The following NUP93 variants were observed in gnomAD, a reference collection of about 807,000 sequenced individuals.
NUP93 encodes the protein nucleoporin 93.
In NUP93, 55 loss-of-function variants were observed where a neutral mutation model predicts 107.8. The observed-to-expected ratio is 0.51, with a 90% CI of 0.41 to 0.64. The LOEUF (loss-of-function observed/expected upper bound fraction) is 0.64. NUP93 is among the 30% of genes least tolerant of loss of function. The pLI, the probability that NUP93 is intolerant of heterozygous loss-of-function variation, is 0.00. For missense variants in NUP93, 937 were observed against 1,044.7 expected (o/e 0.90, Z 1.42); for synonymous variants, 390 against 397.5 (o/e 0.98, Z 0.22).
chr16:56,753,553 C>T (rs984925982), intron 2 of NUP93, among the ~76,000 whole-genome samples: 3 of 152,188 alleles, frequency 2.0e-5, no homozygotes, highest in Non-Finnish European at 2.9e-5. Flanking sequence ...AGGCTCCATC[C>T]CAAACCTATT....
intron 3 of NUP93, among the ~76,000 whole-genome samples, chr16:56,794,073 GGT>G (rs1289142731): frequency 1.9e-3 from 107 of 55,684 alleles, no homozygotes; most frequent in South Asian, 0.011. Context: ...TAGATAGATA[GGT>G]AGGTAGGTAG....
rs1352205425 is a variant in NUP93, at chr16:56,782,049, C to T, written c.298-16427C>T. ...TTTCTTCTTTCTCTCTTTTTCTCTTCTCTCTGTCCTTCTCCCCACCCCCAT... is the reference window on the plus strand; with the variant it reads ...TTTCTTCTTTCTCTCTTTTTCTCTTTTCTCTGTCCTTCTCCCCACCCCCAT... On this transcript the variant is annotated intron_variant, in intron 3 of 21. Coordinates refer to ENST00000308159, the MANE Select transcript of NUP93 (RefSeq NM_014669.5). 6 of 985,334 alleles carry T rather than the reference C, an allele frequency of 6.1e-6. 1 individual carries two copies. The East Asian group carries it at 6.8e-4, about 112-fold the overall frequency. The allele number at this position is 985,334 out of a possible 1,614,324, so 61.0% of individuals were successfully genotyped here.
intron 10 of NUP93, 91 bp from the exon 11 acceptor site, chr16:56,831,751 T>A: frequency 3.7e-6 from 5 of 1,338,306 alleles, no homozygotes; most frequent in Non-Finnish European, 5.2e-6. Context: ...GCTTCCCTGC[T>A]TTTATGTGTT....
intron 13 of NUP93, 117 bp from the exon 14 acceptor site, chr16:56,834,011 T>C (rs1381686986): frequency 1.4e-6 from 2 of 1,439,834 alleles, no homozygotes; most frequent in Non-Finnish European, 1.9e-6. Flanking sequence ...TAGCAAACTT[T>C]GACTGGGCTG....
At chr16:56,776,589 C>A (rs1364753921) in intron 3 of NUP93, among the ~76,000 whole-genome samples, 2 of 152,192 alleles carry the variant, frequency 1.3e-5, no homozygotes, top group African/African-American at 4.8e-5. Context: ...TTACAATCAA[C>A]CTGGCAAGAA....
At chr16:56,770,501 G>C (rs1470554860) in intron 3 of NUP93, among the ~76,000 whole-genome samples, 1 of 152,272 alleles carries the variant, frequency 6.6e-6, no homozygotes, top group South Asian at 2.1e-4. Flanking sequence ...TGGCTTTAAG[G>C]GGGGAAAATT....
intron 9 of NUP93, 123 bp downstream of exon 9, chr16:56,829,232 G>A: frequency 5.7e-6 from 7 of 1,227,656 alleles, no homozygotes; most frequent in East Asian, 2.4e-5. Context: ...CCAGAGAGGG[G>A]TGAGGACAGA....
intron 3 of NUP93, among the ~76,000 whole-genome samples, chr16:56,771,085 C>T (rs1962313761): frequency 6.6e-6 from 1 of 152,166 alleles, no homozygotes; most frequent in Non-Finnish European, 1.5e-5. Context: ...TCCCCTCAAA[C>T]TATTTGGAAG....
chr16:56,820,773 A>G (rs1963526798), intron 6 of NUP93, among the ~76,000 whole-genome samples: 2 of 152,198 alleles, frequency 1.3e-5, no homozygotes, highest in Non-Finnish European at 2.9e-5. Context: ...ATCTTCCACA[A>G]GAAGATTTAG....
At chr16:56,768,495 G>A (rs879700597) in intron 3 of NUP93, among the ~76,000 whole-genome samples, 35 of 149,504 alleles carry the variant, frequency 2.3e-4, no homozygotes, top group African/African-American at 5.2e-4. Context: ...CCCGGGAGGC[G>A]GAGGTTGTGG....
At chr16:56,747,472 A>G (rs1347934541) in intron 1 of NUP93, among the ~76,000 whole-genome samples, 2 of 152,204 alleles carry the variant, frequency 1.3e-5, no homozygotes, top group Non-Finnish European at 2.9e-5. Flanking sequence ...AATGTCATAT[A>G]TAACAAGCAG....
chr16:56,822,559 C>CTT, intron 7 of NUP93, among the ~76,000 whole-genome samples: 1 of 45,774 alleles, frequency 2.2e-5, no homozygotes, highest in Non-Finnish European at 3.9e-5. Context: ...TCTTTCTTTT[C>CTT]TTTTCTTTTT....
chr16:56,841,981 A>T, intron 21 of NUP93, 148 bp downstream of exon 21: 5 of 912,756 alleles, frequency 5.5e-6, no homozygotes, highest in Non-Finnish European at 7.9e-6. Context: ...GGAGGCTCCC[A>T]GAGGAAATCA....
intron 4 of NUP93, among the ~76,000 whole-genome samples, chr16:56,798,871 C>CAA (rs1184872315): frequency 2.2e-4 from 18 of 82,974 alleles, no homozygotes; most frequent in South Asian, 3.9e-4. Flanking sequence ...GACCCTGTCT[C>CAA]AAAAAAAAAA....
intron 1 of NUP93, among the ~76,000 whole-genome samples, chr16:56,731,168 C>T (rs35928224): frequency 0.2 from 31,100 of 151,986 alleles, 3,406 homozygotes; most frequent in Middle Eastern, 0.33. Context: ...ATTTATATCT[C>T]CATCGCAGGT....
intron 1 of NUP93, among the ~76,000 whole-genome samples, chr16:56,739,018 G>GC (rs1961658501): frequency 2.0e-5 from 3 of 149,368 alleles, no homozygotes; most frequent in African/African-American, 7.4e-5. Flanking sequence ...GTTTCAGAGA[G>GC]CACAGGGTTG....
At chr16:56,807,979 C>T (rs931374259) in intron 5 of NUP93, among the ~76,000 whole-genome samples, 7 of 149,186 alleles carry the variant, frequency 4.7e-5, no homozygotes, top group Non-Finnish European at 7.4e-5. Flanking sequence ...GCTGAGATCC[C>T]GCCACTGCAC....
At chr16:56,732,053 C>T (rs1277790298) in intron 1 of NUP93, among the ~76,000 whole-genome samples, 1 of 152,196 alleles carries the variant, frequency 6.6e-6, no homozygotes, top group Non-Finnish European at 1.5e-5. Flanking sequence ...ATGCTTTAGC[C>T]TCAGGGCATT....
At chr16:56,830,462 T>G in intron 9 of NUP93, 66 bp from the exon 10 acceptor site, 1 of 1,461,600 alleles carries the variant, frequency 6.8e-7, no homozygotes. Flanking sequence ...TAGCTCGGTT[T>G]TAGCACATAT....
Sources: gnomAD v4.1 joint callset for allele counts (sites outside exome capture counted in the v4.1 genomes callset) on GRCh38, gnomAD v4.1.1 for gene constraint, MANE v1.5 for transcripts, NCBI Gene and HGNC (gene_info 2026-07-23, HGNC 2026-07-21) for gene names.